Variants in GUCY2F observed in about 807,000 individuals in gnomAD.
GUCY2F encodes the protein retinal guanylyl cyclase 2.
Under a neutral mutation model 73.1 loss-of-function variants are expected in GUCY2F, and 61 were observed. The observed-to-expected ratio is 0.83, with a 90% CI of 0.68 to 1.03. The LOEUF is 1.03. GUCY2F is among the 50% of genes least tolerant of loss of function. The pLI, the probability that GUCY2F is intolerant of heterozygous loss-of-function variation, is 0.00. For synonymous variants in GUCY2F, 331 were observed against 307.8 expected (o/e 1.08, Z -0.79); for missense variants, 912 against 854.3 (o/e 1.07, Z -0.84).
intron 2 of GUCY2F, among the ~76,000 whole-genome samples, chrX:109,474,715 G>A (rs956534353): frequency 1.7e-4 from 19 of 112,007 alleles, no homozygotes; most frequent in African/African-American, 6.2e-4. Context: ...GGACATTTCG[G>A]AGTCCACAGA....
At chrX:109,475,121 T>TA (rs1224164802) in intron 2 of GUCY2F, 86 bp downstream of exon 2, 1 of 948,655 alleles carries the variant, frequency 1.1e-6, no homozygotes, top group Non-Finnish European at 1.5e-6. Context: ...TGTGCTACCC[T>TA]AGGGTGTGAG....
chrX:109,475,155 T>C, intron 2 of GUCY2F, 52 bp downstream of exon 2: 1 of 1,134,914 alleles, frequency 8.8e-7, no homozygotes, highest in Non-Finnish European at 1.2e-6. Context: ...TTGGAGATTG[T>C]AATCTCTTTC....
intron 15 of GUCY2F, among the ~76,000 whole-genome samples, chrX:109,386,394 G>A: frequency 9.0e-6 from 1 of 111,293 alleles, no homozygotes; most frequent in East Asian, 2.8e-4. Context: ...GATTTGAACA[G>A]TGGAAAAGGG....
At chrX:109,420,111 C>CA (rs1294314932) in intron 8 of GUCY2F, among the ~76,000 whole-genome samples, 5 of 105,654 alleles carry the variant, frequency 4.7e-5, no homozygotes, top group Non-Finnish European at 9.8e-5. Context: ...TATCTATATG[C>CA]AAAAAATGAA....
intron 6 of GUCY2F, among the ~76,000 whole-genome samples, chrX:109,444,643 C>A (rs1228858883): frequency 9.0e-6 from 1 of 111,654 alleles, no homozygotes; most frequent in Non-Finnish European, 1.9e-5. Flanking sequence ...CTGCCTAGGA[C>A]ACCTCGCCTA....
At chrX:109,444,760 G>A (rs780725834) in intron 6 of GUCY2F, among the ~76,000 whole-genome samples, 15 of 111,773 alleles carry the variant, frequency 1.3e-4, no homozygotes, top group African/African-American at 4.9e-4. Flanking sequence ...TCCACAAAAC[G>A]CAACTACTAC....
rs41300253 is a variant in GUCY2F at position 109,376,003 on chromosome X, A to T, written c.3240-17T>A. On this transcript the variant is annotated splice_polypyrimidine_tract_variant and intron_variant, in intron 18 of 19. Transcript: ENST00000218006. ...CCCACTTGCCTGCAGGGCAGGGGAG[A>T]CATCAAATAGGTAGTGAAGAAAGTG... The T allele has an allele frequency of 0.023, 26,873 of 1,177,627 alleles. 258 individuals carry two copies. Among genetic ancestry groups the T allele is most frequent in the Non-Finnish European group, 0.028 (23,920 of 865,493 alleles).
At chrX:109,432,261 C>T (rs1042996940) in intron 7 of GUCY2F, among the ~76,000 whole-genome samples, 10 of 112,149 alleles carry the variant, frequency 8.9e-5, no homozygotes, top group South Asian at 7.5e-4. Flanking sequence ...TCCTCACTCA[C>T]ACTCTCTTCA....
chrX:109,443,143 T>C (rs1370084668), intron 6 of GUCY2F, among the ~76,000 whole-genome samples: 4 of 111,249 alleles, frequency 3.6e-5, no homozygotes, highest in Admixed American at 1.9e-4. Flanking sequence ...TACACAGCAA[T>C]TAAGGAAAAT....
In GUCY2F at chrX:109,389,533, T is replaced by G. The variant is rs1328404277; in HGVS notation, c.2782-870A>C. Among the ~76,000 whole-genome samples the G allele has an allele frequency of 3.6e-5, 4 of 112,308 alleles. No individual in the cohort carries two copies. In the Admixed American group the frequency reaches 3.8e-4, roughly 11 times the overall value. On this transcript the variant is annotated intron_variant, in intron 14 of 19. Coordinates refer to ENST00000218006, the MANE Select transcript of GUCY2F (RefSeq NM_001522.3). ...ATGAAACTCTGAAGTTATACCATCTTGATTAGCATTTAAGATTCAACACTT... is the reference window on the plus strand; with the variant it reads ...ATGAAACTCTGAAGTTATACCATCTGGATTAGCATTTAAGATTCAACACTT...
chrX:109,395,618 C>T, intron 11 of GUCY2F, 129 bp from the exon 12 acceptor site: 1 of 522,300 alleles, frequency 1.9e-6, no homozygotes, highest in Non-Finnish European at 3.2e-6. Context: ...ATCTCCTTTG[C>T]TCTCTCCTTA....
Position 109,475,239 on chromosome X carries a change from A to G in GUCY2F, c.698T>C (p.Leu233Pro), listed in dbSNP as rs374977983. Reference protein sequence around the residue: ...GQDSQSMRKALQRIHQADRIR... With the variant: ...GQDSQSMRKAPQRIHQADRIR... ...TCTGTCTGCCTGGTGAATCCTCTGG[A>G]GGGCTTTCCGCATGCTTTGGCTGTC... The change falls in exon 2 of 20, where the codon CTC becomes CCC. Residue 233 changes from leucine (L) to proline (P), a missense_variant. By Grantham distance (98) the Leu-to-Pro change is moderately conservative (BLOSUM62 -3). Transcript: ENST00000218006. The G allele has an allele frequency of 1.7e-6, 2 of 1,207,168 alleles. No homozygotes were observed. Among genetic ancestry groups the G allele is most frequent in the African/African-American group, 3.5e-5 (2 of 57,025 alleles).
chrX:109,430,476 G>A, intron 7 of GUCY2F, 80 bp from the exon 8 acceptor site: 1 of 592,804 alleles, frequency 1.7e-6, no homozygotes, highest in Non-Finnish European at 2.9e-6. Flanking sequence ...TCCACATAAA[G>A]GGTTTATACC....
In GUCY2F at chrX:109,380,892, C is replaced by G. The variant is rs187980756; in HGVS notation, c.3150+1226G>C. The stretch of plus-strand genomic sequence containing the variant: ...GTCTTCAGGAAACCAAGCTGCATTT[C>G]TACTCCTCTGTTGAAATATGACAGA... On this transcript the variant is annotated intron_variant, in intron 17 of 19. Transcript: ENST00000218006. Among the ~76,000 whole-genome samples, 222 of 112,320 alleles carry G rather than the reference C, an allele frequency of 2.0e-3. 1 individual carries two copies. Among genetic ancestry groups the G allele is most frequent in the African/African-American group, 6.7e-3 (206 of 30,944 alleles).
At chrX:109,467,049 G>T (rs1466990882) in intron 2 of GUCY2F, among the ~76,000 whole-genome samples, 1 of 112,169 alleles carries the variant, frequency 8.9e-6, no homozygotes, top group Non-Finnish European at 1.9e-5. Flanking sequence ...CATGTATTCT[G>T]ATGTTCAGAC....
intron 10 of GUCY2F, among the ~76,000 whole-genome samples, chrX:109,402,295 C>T (rs1321484074): frequency 9.0e-6 from 1 of 111,020 alleles, no homozygotes; most frequent in African/African-American, 3.3e-5. Flanking sequence ...CTATCCTTTA[C>T]CCACCCTAAG....
At chrX:109,446,306 T>C (rs1932006885) in intron 6 of GUCY2F, among the ~76,000 whole-genome samples, 1 of 111,804 alleles carries the variant, frequency 8.9e-6, no homozygotes, top group East Asian at 2.8e-4. Flanking sequence ...AAAAAGACCC[T>C]GCATTGCCAA....
At chrX:109,420,378 CAA>C (rs1441120861) in intron 8 of GUCY2F, among the ~76,000 whole-genome samples, 7 of 97,540 alleles carry the variant, frequency 7.2e-5, no homozygotes, top group African/African-American at 1.5e-4. Context: ...GAGAGAAAGA[CAA>C]AGAGAAAGAA....
chrX:109,375,896 A>G lies in GUCY2F; in HGVS notation c.*1+2T>C. 8.4e-7 allele frequency: 1 copy of G among 1,195,481 alleles called. No individual in the cohort carries two copies. Among genetic ancestry groups the G allele is most frequent in the Non-Finnish European group, 1.1e-6 (1 of 881,179 alleles). ...GTGCTCTGTTTTCCTCCTGGCCATTACCTTATGGCTTGTTTCTCACCAACT... is the reference window on the plus strand; with the variant it reads ...GTGCTCTGTTTTCCTCCTGGCCATTGCCTTATGGCTTGTTTCTCACCAACT... On this transcript the variant is annotated splice_donor_variant, in intron 19 of 19. Coordinates refer to ENST00000218006, the MANE Select transcript of GUCY2F (RefSeq NM_001522.3). LOFTEE classifies it low-confidence loss of function (3UTR_SPLICE).
Sources: allele counts gnomAD v4.1 joint callset (sites outside exome capture counted in the v4.1 genomes callset), GRCh38; gene constraint gnomAD v4.1.1; transcripts MANE v1.5; gene names NCBI Gene and HGNC (gene_info 2026-07-23, HGNC 2026-07-21).